The following SEMA3D variants were observed in gnomAD, a reference collection of about 807,000 sequenced individuals.
SEMA3D encodes semaphorin 3D, also known as semaphorin-3D.
Under a neutral mutation model 100.1 loss-of-function variants are expected in SEMA3D, and 84 were observed. The ratio of observed to expected loss-of-function variants is 0.84; its 90% CI spans 0.70 to 1.01. The LOEUF is 1.01. Ranked by LOEUF, SEMA3D falls within the 50% of genes least tolerant of loss-of-function variation. The pLI is 0.00. For missense variants in SEMA3D, 875 were observed against 934.1 expected (o/e 0.94, Z 0.82); for synonymous variants, 312 against 320.7 (o/e 0.97, Z 0.29).
the SEMA3D span, among the ~76,000 whole-genome samples, chr7:85,228,396 C>T: frequency 6.6e-6 from 1 of 152,038 alleles, no homozygotes; most frequent in East Asian, 1.9e-4. Flanking sequence ...TTATCATTCA[C>T]TAAGCGGTAT....
chr7:85,125,783 CGT>C (rs79570607), intron 2 of SEMA3D, among the ~76,000 whole-genome samples: 50,244 of 113,422 alleles, frequency 0.44, 9,387 homozygotes, highest in African/African-American at 0.6. Context: ...TTGCTGTCTT[CGT>C]GTGTGTGTGT....
the SEMA3D span, among the ~76,000 whole-genome samples, chr7:85,228,114 A>G: frequency 1.8e-4 from 28 of 152,266 alleles, no homozygotes; most frequent in Middle Eastern, 3.4e-3. Flanking sequence ...ATGATGAAAA[A>G]TGACACATCT....
chr7:85,236,348 C>T, the SEMA3D span, among the ~76,000 whole-genome samples: 64 of 150,372 alleles, frequency 4.3e-4, no homozygotes, highest in African/African-American at 1.5e-3. Flanking sequence ...TGCTCTGTTG[C>T]CCAGGCTGGA....
At chr7:85,163,872 T>C (rs934003317) in intron 1 of SEMA3D, among the ~76,000 whole-genome samples, 1 of 152,124 alleles carries the variant, frequency 6.6e-6, no homozygotes, top group Admixed American at 6.6e-5. Context: ...ATCTTTCAAA[T>C]ATAACTTGAA....
At chr7:85,224,946 A>ATTTGT in the SEMA3D span, among the ~76,000 whole-genome samples, 1 of 150,350 alleles carries the variant, frequency 6.7e-6, no homozygotes, top group African/African-American at 2.4e-5. Flanking sequence ...AAAACAATAC[A>ATTTGT]TTTGTTTCAT....
intron 12 of SEMA3D, among the ~76,000 whole-genome samples, chr7:85,025,415 T>C (rs2240393): frequency 0.38 from 57,871 of 151,826 alleles, 12,085 homozygotes; most frequent in African/African-American, 0.57. Flanking sequence ...CTGGCTGCCA[T>C]AGCTGGCTAG....
chr7:85,083,384 G>A (rs73179853), intron 4 of SEMA3D, among the ~76,000 whole-genome samples: 3 of 152,198 alleles, frequency 2.0e-5, no homozygotes, highest in African/African-American at 4.8e-5. Context: ...ACAATGGTTA[G>A]TCATAAACCC....
At chr7:85,191,829 T>C (rs1372826559), upstream of SEMA3D, among the ~76,000 whole-genome samples, 1 of 152,164 alleles carries the variant, frequency 6.6e-6, no homozygotes, top group Non-Finnish European at 1.5e-5. Flanking sequence ...TAAATTTATA[T>C]AGATATTATC....
chr7:85,157,599 T>A, intron 1 of SEMA3D: 1 of 884,242 alleles, frequency 1.1e-6, no homozygotes, highest in Non-Finnish European at 1.4e-6. Flanking sequence ...TTACTTGTAT[T>A]TTGCAAGGCT....
At chr7:85,103,822 T>A (rs17641482) in intron 3 of SEMA3D, among the ~76,000 whole-genome samples, 2 of 151,970 alleles carry the variant, frequency 1.3e-5, no homozygotes, top group Non-Finnish European at 2.9e-5. Flanking sequence ...TGCTTAAATA[T>A]AGAAATCATT....
At chr7:85,245,170 C>T in the SEMA3D span, among the ~76,000 whole-genome samples, 9 of 151,946 alleles carry the variant, frequency 5.9e-5, no homozygotes, top group East Asian at 1.7e-3. Context: ...TACAAAACCT[C>T]GAAACAAAAG....
At chr7:85,054,039 G>A (rs1791241138) in intron 9 of SEMA3D, among the ~76,000 whole-genome samples, 1 of 151,894 alleles carries the variant, frequency 6.6e-6, no homozygotes, top group East Asian at 1.9e-4. Flanking sequence ...CATGGTTGAT[G>A]TTTAGAGAAT....
In SEMA3D at chr7:85,026,404, A is replaced by G. The variant is rs192984075; in HGVS notation, c.1192-3791T>C. Among the ~76,000 whole-genome samples the G allele has an allele frequency of 2.2e-3, 339 of 152,186 alleles. 1 individual carries two copies. The highest frequency in any genetic ancestry group is 0.014 in the Middle Eastern group (4 of 294). On this transcript the variant is annotated intron_variant, in intron 12 of 18. Transcript: ENST00000284136. The stretch of plus-strand genomic sequence containing the variant: ...TGATGCCTATAATGAGATATCCCCA[A>G]AAGTTTTCCACAGATTTTGAATTAA...
At chr7:85,152,138 T>A (rs1790446841) in intron 2 of SEMA3D, among the ~76,000 whole-genome samples, 1 of 152,058 alleles carries the variant, frequency 6.6e-6, no homozygotes, top group Admixed American at 6.6e-5. Context: ...TGTAGGACAA[T>A]ATTTCTTTGT....
chr7:85,004,493 C>A (rs930672295), intron 18 of SEMA3D, among the ~76,000 whole-genome samples: 6 of 152,036 alleles, frequency 3.9e-5, no homozygotes, highest in African/African-American at 1.4e-4. Flanking sequence ...GCATAAACAT[C>A]ATCAATTTTA....
At chr7:85,166,917 G>C (rs1048295264) in intron 1 of SEMA3D, among the ~76,000 whole-genome samples, 1 of 151,980 alleles carries the variant, frequency 6.6e-6, no homozygotes, top group African/African-American at 2.4e-5. Flanking sequence ...GTACAAAGGT[G>C]ATAATGGATT....
At chr7:85,226,953 T>C in the SEMA3D span, among the ~76,000 whole-genome samples, 1 of 152,178 alleles carries the variant, frequency 6.6e-6, no homozygotes, top group Non-Finnish European at 1.5e-5. Flanking sequence ...TGGTTTCTTT[T>C]AAAGTATGTG....
intron 2 of SEMA3D, chr7:85,140,877 AAATC>A (rs1790028086): frequency 1.3e-6 from 1 of 747,250 alleles, no homozygotes; most frequent in Admixed American, 6.3e-5. Flanking sequence ...TACAAAAAGA[AAATC>A]AAAACACCAT....
intron 12 of SEMA3D, among the ~76,000 whole-genome samples, chr7:85,023,266 G>A (rs556547001): frequency 1.3e-5 from 2 of 151,728 alleles, no homozygotes; most frequent in Non-Finnish European, 2.9e-5. Context: ...AGCATGACCT[G>A]CCCCCTGGTG....
Sources: gnomAD v4.1 joint callset for allele counts (sites outside exome capture counted in the v4.1 genomes callset) on GRCh38, gnomAD v4.1.1 for gene constraint, MANE v1.5 for transcripts, NCBI Gene and HGNC (gene_info 2026-07-23, HGNC 2026-07-21) for gene names.